The following TSPAN13 variants were observed in gnomAD, a reference collection of about 807,000 sequenced individuals.
The protein encoded by TSPAN13 is tetraspanin 13.
A neutral mutation model predicts 26.9 loss-of-function variants in TSPAN13; 18 were observed. The observed-to-expected ratio is 0.67, with a 90% confidence interval of 0.46 to 0.99. The LOEUF is 0.99. TSPAN13 is among the 50% of genes least tolerant of loss of function. The probability of loss-of-function intolerance (pLI) is 0.00; values close to 1 mark genes in which losing one functional copy is unlikely to be tolerated. For synonymous variants in TSPAN13, 116 were observed against 98.4 expected (o/e 1.18, Z -1.06); for missense variants, 201 against 249.6 (o/e 0.81, Z 1.31).
chr7:16,762,280 T>C (rs1298366348), intron 1 of TSPAN13, among the ~76,000 whole-genome samples: 2 of 152,240 alleles, frequency 1.3e-5, no homozygotes, highest in Admixed American at 6.5e-5. Context: ...CAATATCATG[T>C]GCTCTTTGAT....
Position 16,753,800 on chromosome 7 carries a change from G to GCCGCCGCGCGC in TSPAN13, c.-167_-157dup. ...GCAGGTTCCAAAGCGGGTCCGAGCC[G>GCCGCCGCGCGC]CCGCCGCGCGCGCGCCGCGCACTGC... On this transcript the variant is annotated 5_prime_UTR_variant, in exon 1 of 6. Coordinates refer to ENST00000262067, the MANE Select transcript of TSPAN13 (RefSeq NM_014399.4). 1 of 495,662 alleles carries GCCGCCGCGCGC rather than the reference G, an allele frequency of 2.0e-6. No homozygotes were observed. 30.7% of individuals were successfully genotyped at this position (495,662 alleles called of 1,614,324 possible).
At chr7:16,780,434 C>T (rs77376533) in intron 5 of TSPAN13, among the ~76,000 whole-genome samples, 5,779 of 152,164 alleles carry the variant, frequency 0.038, 191 homozygotes, top group East Asian at 0.16. Flanking sequence ...TTCTGACTTC[C>T]CTCTTTAGTC....
chr7:16,779,750 G>GA (rs886476203), intron 5 of TSPAN13, among the ~76,000 whole-genome samples: 6 of 145,850 alleles, frequency 4.1e-5, no homozygotes, highest in Non-Finnish European at 7.5e-5. Flanking sequence ...AACAGCATAG[G>GA]AAAAAAAAAG....
chr7:16,770,983 T>G (rs571375833), intron 1 of TSPAN13, among the ~76,000 whole-genome samples: 1 of 152,214 alleles, frequency 6.6e-6, no homozygotes, highest in Non-Finnish European at 1.5e-5. Context: ...GGTTTTTCTC[T>G]AACCCCTGAC....
intron 1 of TSPAN13, among the ~76,000 whole-genome samples, chr7:16,765,356 G>A (rs761956995): frequency 2.3e-4 from 35 of 152,030 alleles, no homozygotes; most frequent in Non-Finnish European, 4.3e-4. Context: ...CTCCTTCCTC[G>A]GCATCCCAAA....
chr7:16,758,054 T>G (rs2115320417), intron 1 of TSPAN13, among the ~76,000 whole-genome samples: 1 of 152,166 alleles, frequency 6.6e-6, no homozygotes, highest in East Asian at 1.9e-4. Flanking sequence ...AGGCTGGTCT[T>G]GAACTCCTGA....
chr7:16,775,732 G>C (rs1472078762), intron 1 of TSPAN13: 1 of 152,652 alleles, frequency 6.6e-6, no homozygotes, highest in African/African-American at 2.4e-5. Flanking sequence ...ACAGAGATCG[G>C]CCCGACAACG....
At chr7:16,772,546 T>C (rs1784692437) in intron 1 of TSPAN13, among the ~76,000 whole-genome samples, 1 of 152,146 alleles carries the variant, frequency 6.6e-6, no homozygotes, top group African/African-American at 2.4e-5. Context: ...CTCTTTTTTT[T>C]ATGTCACTTT....
intron 1 of TSPAN13, among the ~76,000 whole-genome samples, chr7:16,760,246 G>A (rs1397780602): frequency 6.6e-6 from 1 of 152,138 alleles, no homozygotes; most frequent in Non-Finnish European, 1.5e-5. Context: ...TGGCACAGGT[G>A]GGAGCATTGA....
In TSPAN13 at chr7:16,777,874, G is replaced by A. The variant is rs760159134; in HGVS notation, c.389G>A (p.Gly130Glu). 6.2e-7 allele frequency: 1 copy of A among 1,613,674 alleles called. No individual in the cohort carries two copies. The change falls in exon 4 of 6, where the codon GGG becomes GAG. Residue 130 changes from glycine (G) to glutamate (E), a missense_variant. Transcript: ENST00000262067. ...ATCCAGAGAAATCTAAACTGCTGTG[G>A]GTTCCGAAGTGTTAACCCAAATGAC... ...NDIQRNLNCC[G>E]FRSVNPNDTC...
chr7:16,783,663 C>A lies in TSPAN13; in HGVS notation c.*172C>A. 2 of 641,090 alleles carry A rather than the reference C, an allele frequency of 3.1e-6. No homozygotes were observed. The highest frequency in any genetic ancestry group is 5.2e-6 in the Non-Finnish European group (2 of 383,576). The allele number at this position is 641,090 out of a possible 1,614,324, so 39.7% of individuals were successfully genotyped here. On this transcript the variant is annotated 3_prime_UTR_variant, in exon 6 of 6. Coordinates refer to ENST00000262067, the MANE Select transcript of TSPAN13 (RefSeq NM_014399.4). The stretch of plus-strand genomic sequence containing the variant: ...GTTTCTCTACATGTTTTTTTCTTTC[C>A]GTTGCTGAAAAATATTTGAAACTTG...
intron 5 of TSPAN13, among the ~76,000 whole-genome samples, chr7:16,780,797 T>C (rs553121667): frequency 6.6e-6 from 1 of 152,320 alleles, no homozygotes; most frequent in Admixed American, 6.5e-5. Flanking sequence ...TAAGTAGGAG[T>C]TCTTTAAAAA....
At position 16,784,251 on chromosome 7, in the gene TSPAN13, T is replaced by G; in HGVS notation, c.*760T>G. 1 of 152,562 alleles carries G rather than the reference T, an allele frequency of 6.6e-6. No individual in the cohort carries two copies. Among genetic ancestry groups the G allele is most frequent in the Middle Eastern group, 3.4e-3 (1 of 294 alleles). 9.5% of individuals were successfully genotyped at this position (152,562 alleles called of 1,614,324 possible). ...TATTGTTTTATAATAATTTGAAGTCTAAAAGACTGCATTTTTAAACAAGTT... is the reference window on the plus strand; with the variant it reads ...TATTGTTTTATAATAATTTGAAGTCGAAAAGACTGCATTTTTAAACAAGTT... On this transcript the variant is annotated 3_prime_UTR_variant, in exon 6 of 6. Coordinates refer to ENST00000262067, the MANE Select transcript of TSPAN13 (RefSeq NM_014399.4).
intron 1 of TSPAN13, among the ~76,000 whole-genome samples, chr7:16,769,660 T>C: frequency 6.6e-6 from 1 of 152,196 alleles, no homozygotes. Context: ...TCTTACCAAT[T>C]TTAATTTTTT....
intron 1 of TSPAN13, 51 bp from the exon 2 acceptor site, chr7:16,776,160 T>C (rs750945946): frequency 9.6e-6 from 15 of 1,568,166 alleles, no homozygotes; most frequent in Non-Finnish European, 1.2e-5. Flanking sequence ...TTTTCCCCAT[T>C]CTCTCTCCTC....
At chr7:16,770,670 G>A (rs2115330499) in intron 1 of TSPAN13, among the ~76,000 whole-genome samples, 1 of 152,024 alleles carries the variant, frequency 6.6e-6, no homozygotes, top group Non-Finnish European at 1.5e-5. Flanking sequence ...TTTTTTGATT[G>A]GCAGCAATGT....
At chr7:16,778,051 C>G (rs1784773203) in intron 4 of TSPAN13, 140 bp downstream of exon 4, 1 of 644,392 alleles carries the variant, frequency 1.6e-6, no homozygotes, top group African/African-American at 1.9e-5. Flanking sequence ...TTTCCATGTC[C>G]TCTGTTATAT....
At chr7:16,757,287 G>A (rs927387502) in intron 1 of TSPAN13, among the ~76,000 whole-genome samples, 3 of 152,086 alleles carry the variant, frequency 2.0e-5, no homozygotes, top group Non-Finnish European at 4.4e-5. Context: ...AATGATTTGG[G>A]AAAATGACTT....
Position 16,768,193 on chromosome 7 carries a change from C to T in TSPAN13, c.64-8018C>T, listed in dbSNP as rs565724721. On this transcript the variant is annotated intron_variant, in intron 1 of 5. Coordinates refer to ENST00000262067, the MANE Select transcript of TSPAN13 (RefSeq NM_014399.4). The stretch of plus-strand genomic sequence containing the variant: ...CCTTCCAAAGTGCTGGGATTACAGG[C>T]GTGAGCCACCGCACCTGGCCTGTAG... Among the ~76,000 whole-genome samples, 9 of 152,334 alleles carry T rather than the reference C, an allele frequency of 5.9e-5. No homozygotes were observed. The South Asian group carries it at 8.3e-4, about 14-fold the overall frequency.
Sources: gnomAD v4.1 joint callset for allele counts (sites outside exome capture counted in the v4.1 genomes callset) on GRCh38, gnomAD v4.1.1 for gene constraint, MANE v1.5 for transcripts, NCBI Gene and HGNC (gene_info 2026-07-23, HGNC 2026-07-21) for gene names.